Variants in RPAP2 observed in about 807,000 individuals in gnomAD.
RPAP2 encodes the protein putative RNA polymerase II subunit B1 CTD phosphatase RPAP2.
Under a neutral mutation model 73.1 loss-of-function variants are expected in RPAP2, and 52 were observed. The ratio of observed to expected loss-of-function variants is 0.71; its 90% confidence interval spans 0.57 to 0.90. The LOEUF (loss-of-function observed/expected upper bound fraction) is 0.90. Among genes scored for constraint, RPAP2 ranks in the 40% least tolerant of loss-of-function variants. The pLI is 0.00. For synonymous variants in RPAP2, 225 were observed against 242.1 expected, an observed-to-expected ratio of 0.93 and a Z score of 0.65; for missense variants, 598 against 701.8, an observed-to-expected ratio of 0.85 and a Z score of 1.67.
In RPAP2 at chr1:92,378,263, G is replaced by A. The variant is rs1041221758; in HGVS notation, c.1689-2461G>A. Among the ~76,000 whole-genome samples the A allele has an allele frequency of 6.6e-5, 10 of 152,008 alleles. 1 individual carries two copies. Among genetic ancestry groups the A allele is most frequent in the Non-Finnish European group, 1.2e-4 (8 of 68,002 alleles). On this transcript the variant is annotated intron_variant, in intron 11 of 12. Coordinates refer to ENST00000610020, the MANE Select transcript of RPAP2 (RefSeq NM_024813.3). ...TCTGTTGCCCAGGCTGGAGTGCAGC[G>A]GTGTGATCTCTGCTCACTGCAACCT...
intron 11 of RPAP2, among the ~76,000 whole-genome samples, chr1:92,362,766 T>C (rs1323680828): frequency 6.6e-6 from 1 of 152,150 alleles, no homozygotes; most frequent in East Asian, 1.9e-4. Flanking sequence ...CATTATAATG[T>C]TTTTTATCAC....
chr1:92,374,906 C>T (rs544642027), intron 11 of RPAP2, among the ~76,000 whole-genome samples: 12 of 152,154 alleles, frequency 7.9e-5, no homozygotes, highest in Non-Finnish European at 1.8e-4. Flanking sequence ...TCTCAGAAAT[C>T]GCCTCTAAAG....
At chr1:92,367,436 G>C (rs915338831) in intron 11 of RPAP2, among the ~76,000 whole-genome samples, 7 of 152,200 alleles carry the variant, frequency 4.6e-5, no homozygotes, top group African/African-American at 1.7e-4. Context: ...CATAGTGCCT[G>C]TGCATGTACA....
At chr1:92,363,792 T>C (rs1466906175) in intron 11 of RPAP2, 1 of 286,388 alleles carries the variant, frequency 3.5e-6, no homozygotes. Context: ...TTCTCTTCTT[T>C]ATGATTTGCT....
intron 7 of RPAP2, among the ~76,000 whole-genome samples, chr1:92,320,839 T>G (rs943401159): frequency 6.6e-6 from 1 of 152,236 alleles, no homozygotes; most frequent in Non-Finnish European, 1.5e-5. Flanking sequence ...TATGATTTAT[T>G]GTACAGCTGT....
intron 11 of RPAP2, among the ~76,000 whole-genome samples, chr1:92,358,373 T>TC (rs1290510045): frequency 6.6e-6 from 1 of 152,170 alleles, no homozygotes; most frequent in Non-Finnish European, 1.5e-5. Flanking sequence ...TAATTCCTCT[T>TC]CATCTTTCAG....
chr1:92,353,757 C>T (rs921871339), intron 11 of RPAP2, among the ~76,000 whole-genome samples: 7 of 152,094 alleles, frequency 4.6e-5, no homozygotes, highest in Non-Finnish European at 1.0e-4. Context: ...TATTTCTATA[C>T]GTTCCCATAC....
intron 6 of RPAP2, among the ~76,000 whole-genome samples, chr1:92,309,889 C>T (rs971349103): frequency 6.6e-6 from 1 of 152,106 alleles, no homozygotes; most frequent in Non-Finnish European, 1.5e-5. Context: ...GTGTGGTAAA[C>T]CCTCAAGTAT....
rs957801479 is a variant in RPAP2 at position 92,323,699 on chromosome 1, A to G, written c.779A>G (p.His260Arg). 3 of 1,614,074 alleles carry G rather than the reference A, an allele frequency of 1.9e-6. No homozygotes were observed. The highest frequency in any genetic ancestry group is 4.5e-5 in the East Asian group (2 of 44,872). ...KKAGHKANSK[H>R]KDKEQTVVDV... Reference sequence around the variant, plus strand: ...GCTGGTCACAAAGCTAACTCCAAACACAAAGACAAAGAACAGACAGTAGTA... The same window carrying G: ...GCTGGTCACAAAGCTAACTCCAAACGCAAAGACAAAGAACAGACAGTAGTA... Residue 260 changes from histidine (H) to arginine (R), a missense_variant, in exon 8 of 13, where the codon CAC becomes CGC. His to Arg is a conservative substitution (Grantham distance 29). Transcript: ENST00000610020.
At chr1:92,309,254 C>T (rs559305667) in intron 6 of RPAP2, among the ~76,000 whole-genome samples, 10 of 151,956 alleles carry the variant, frequency 6.6e-5, no homozygotes, top group Non-Finnish European at 1.5e-4. Flanking sequence ...CCATCCTGGC[C>T]AACATGGTGA....
intron 11 of RPAP2, among the ~76,000 whole-genome samples, chr1:92,366,588 A>G (rs186448009): frequency 6.6e-6 from 1 of 152,280 alleles, no homozygotes; most frequent in East Asian, 1.9e-4. Context: ...GTGTCTCACT[A>G]ATGGAGTTGA....
chr1:92,365,124 T>G (rs1231690026), intron 11 of RPAP2, among the ~76,000 whole-genome samples: 1 of 152,190 alleles, frequency 6.6e-6, no homozygotes, highest in Non-Finnish European at 1.5e-5. Flanking sequence ...ACCAACTCCT[T>G]AGAAGCCTTC....
intron 6 of RPAP2, among the ~76,000 whole-genome samples, chr1:92,307,895 AACT>A (rs1376826528): frequency 1.3e-5 from 2 of 152,172 alleles, no homozygotes; most frequent in Non-Finnish European, 2.9e-5. Context: ...ATGGTAATTA[AACT>A]GTATTGCCTA....
chr1:92,302,497 C>A (rs897318266), intron 3 of RPAP2, among the ~76,000 whole-genome samples: 4 of 149,136 alleles, frequency 2.7e-5, no homozygotes, highest in African/African-American at 9.8e-5. Flanking sequence ...TTATTTTTGT[C>A]AATGTAATTT....
chr1:92,307,892 T>A (rs1191888170), intron 6 of RPAP2, among the ~76,000 whole-genome samples: 1 of 152,076 alleles, frequency 6.6e-6, no homozygotes, highest in African/African-American at 2.4e-5. Flanking sequence ...CTTATGGTAA[T>A]TAAACTGTAT....
At chr1:92,364,248 G>C (rs1294933339) in intron 11 of RPAP2, among the ~76,000 whole-genome samples, 1 of 152,100 alleles carries the variant, frequency 6.6e-6, no homozygotes, top group Non-Finnish European at 1.5e-5. Context: ...TCTATTATAG[G>C]TATGGAGAAA....
At chr1:92,307,646 G>T (rs1482488701) in intron 6 of RPAP2, among the ~76,000 whole-genome samples, 1 of 151,866 alleles carries the variant, frequency 6.6e-6, no homozygotes, top group Non-Finnish European at 1.5e-5. Context: ...CTATGAGAAA[G>T]GTTAGAAAGT....
In RPAP2 at chr1:92,399,941, T is replaced by G. The variant is rs2101477095; in HGVS notation, c.*12930T>G. 1 of 152,268 alleles carries G rather than the reference T, an allele frequency of 6.6e-6. No homozygotes were observed. The highest frequency in any genetic ancestry group is 2.4e-5 in the African/African-American group (1 of 41,564). The allele number at this position is 152,268 out of a possible 1,614,324, so 9.4% of individuals were successfully genotyped here. A position where few individuals can be genotyped will look rare whatever the true frequency, so the allele number is the denominator to read the frequency against. On this transcript the variant is annotated 3_prime_UTR_variant, in exon 13 of 13. Coordinates refer to ENST00000610020, the MANE Select transcript of RPAP2 (RefSeq NM_024813.3). ...TTCTTCGTACAAAGAGTCTTGCTAC[T>G]AGGAAAAAGAGTTTGAAAATCACTA...
At chr1:92,312,107 A>G (rs1651626210) in intron 6 of RPAP2, among the ~76,000 whole-genome samples, 1 of 152,198 alleles carries the variant, frequency 6.6e-6, no homozygotes, top group South Asian at 2.1e-4. Context: ...CCACAGCAGA[A>G]CATCTTTCAA....
Sources: gnomAD v4.1 joint callset for allele counts (sites outside exome capture counted in the v4.1 genomes callset) on GRCh38, gnomAD v4.1.1 for gene constraint, MANE v1.5 for transcripts, NCBI Gene and HGNC (gene_info 2026-07-23, HGNC 2026-07-21) for gene names.